TMEM232: variants seen among roughly 807,000 people sequenced by gnomAD.
TMEM232 encodes transmembrane protein 232.
Under a neutral mutation model 78.8 loss-of-function variants are expected in TMEM232, and 80 were observed. That is an observed-to-expected ratio of 1.01 (90% CI 0.85 to 1.22). TMEM232 has a LOEUF of 1.22. TMEM232 is among the 50% of genes most tolerant of loss of function. TMEM232 has a pLI of 0.00. For missense variants in TMEM232, 881 were observed against 742.2 expected (o/e 1.19, Z -2.17); for synonymous variants, 297 against 254.3 (o/e 1.17, Z -1.60).
chr5:110,714,394 CT>C (rs1380079768), intron 1 of TMEM232, among the ~76,000 whole-genome samples: 2 of 152,086 alleles, frequency 1.3e-5, no homozygotes, highest in Non-Finnish European at 1.5e-5. Flanking sequence ...AGAATGTCAC[CT>C]TTGTTTCACT....
intron 1 of TMEM232, chr5:110,720,778 T>C (rs959396687): frequency 1.3e-5 from 2 of 152,182 alleles, no homozygotes; most frequent in Non-Finnish European, 2.9e-5. Flanking sequence ...CTGAGTGCTT[T>C]GTGCTATATT....
chr5:110,672,230 A>C (rs1390372429), intron 1 of TMEM232, among the ~76,000 whole-genome samples: 1 of 152,168 alleles, frequency 6.6e-6, no homozygotes, highest in Non-Finnish European at 1.5e-5. Flanking sequence ...CACTGAACTT[A>C]TTGTCCAAAG....
At chr5:110,543,870 G>A (rs1384680055) in intron 11 of TMEM232, among the ~76,000 whole-genome samples, 1 of 152,060 alleles carries the variant, frequency 6.6e-6, no homozygotes, top group Non-Finnish European at 1.5e-5. Flanking sequence ...TTCTAGAGTC[G>A]TCTTCTATAG....
At chr5:110,636,364 A>G (rs1785833312) in intron 5 of TMEM232, among the ~76,000 whole-genome samples, 1 of 151,992 alleles carries the variant, frequency 6.6e-6, no homozygotes, top group Admixed American at 6.6e-5. Flanking sequence ...GACTATACTT[A>G]CCAACAATGC....
intron 11 of TMEM232, among the ~76,000 whole-genome samples, chr5:110,556,099 C>A (rs1775044795): frequency 6.6e-6 from 1 of 152,084 alleles, no homozygotes; most frequent in East Asian, 1.9e-4. Context: ...TACTTAAGTG[C>A]ATTTTTGTAG....
chr5:110,642,902 C>T (rs1333733725), intron 2 of TMEM232, among the ~76,000 whole-genome samples: 3 of 151,938 alleles, frequency 2.0e-5, no homozygotes, highest in Admixed American at 2.0e-4. Context: ...TGAGAAGAGG[C>T]GTGGCATGAT....
chr5:110,533,766 C>T (rs1771905460), intron 11 of TMEM232, among the ~76,000 whole-genome samples: 1 of 152,056 alleles, frequency 6.6e-6, no homozygotes, highest in Non-Finnish European at 1.5e-5. Context: ...CACCCCATTT[C>T]CCCACATTTC....
In TMEM232 at chr5:110,584,937, G is replaced by C. The variant is rs141335011; in HGVS notation, c.1277-16312C>G. Among the ~76,000 whole-genome samples, 1,469 of 152,048 alleles carry C rather than the reference G, an allele frequency of 9.7e-3. 34 individuals are homozygous for C. Among genetic ancestry groups the C allele is most frequent in the African/African-American group, 0.033 (1,371 of 41,496 alleles). ...AATTAATTTTTAAAGTGACAAGTTG[G>C]AATGTACTTTAGCACCATAAATACT... is the stretch of plus-strand genomic sequence containing the variant. On this transcript the variant is annotated intron_variant, in intron 10 of 13. Transcript: ENST00000455884.
chr5:110,474,289 T>C (rs1460274872), intron 12 of TMEM232, among the ~76,000 whole-genome samples: 5 of 151,932 alleles, frequency 3.3e-5, no homozygotes, highest in Admixed American at 3.3e-4. Context: ...AAAAATACAA[T>C]GAAACTTTTA....
At chr5:110,424,484 G>C (rs1173972803) in intron 13 of TMEM232, among the ~76,000 whole-genome samples, 3 of 152,088 alleles carry the variant, frequency 2.0e-5, no homozygotes, top group Admixed American at 6.5e-5. Flanking sequence ...ACTGAAAATT[G>C]AGCCAAAAGA....
intron 8 of TMEM232, 97 bp from the exon 9 acceptor site, chr5:110,606,384 G>C: frequency 8.6e-7 from 1 of 1,162,236 alleles, no homozygotes; most frequent in Admixed American, 2.8e-5. Flanking sequence ...CAGAGGAAAT[G>C]CATGTCTGCA....
At chr5:110,429,759 T>C (rs1198238021) in intron 12 of TMEM232, 1 of 151,794 alleles carries the variant, frequency 6.6e-6, no homozygotes, top group Non-Finnish European at 1.5e-5. Context: ...TACCATAGAC[T>C]CACTGGTTGG....
intron 10 of TMEM232, among the ~76,000 whole-genome samples, chr5:110,583,966 CAAA>C (rs60079206): frequency 5.0e-5 from 5 of 99,058 alleles, no homozygotes; most frequent in Admixed American, 1.0e-4. Flanking sequence ...TATCTATTAT[CAAA>C]AAAAAAAAAA....
rs187302476 is a variant in TMEM232 at position 110,594,837 on chromosome 5, T to C, written c.1276+10272A>G. 7.9e-5 allele frequency among the ~76,000 whole-genome samples: 12 copies of C among 152,304 alleles called. No homozygotes were observed. The East Asian group carries it at 1.2e-3, about 15-fold the overall frequency. On this transcript the variant is annotated intron_variant, in intron 10 of 13. Transcript: ENST00000455884. ...CTCCCTGGGACAGAAAGGGTAGCTA[T>C]TGGCGCAGCTTCAGCAGACTTAAAC...
chr5:110,489,689 T>C (rs998248648), intron 12 of TMEM232, among the ~76,000 whole-genome samples: 1 of 152,094 alleles, frequency 6.6e-6, no homozygotes, highest in African/African-American at 2.4e-5. Context: ...GGTATTTAGA[T>C]TAGAAATGAG....
At chr5:110,390,203 A>G (rs1755129443) in intron 4 of TMEM232, among the ~76,000 whole-genome samples, 1 of 152,184 alleles carries the variant, frequency 6.6e-6, no homozygotes, top group African/African-American at 2.4e-5. Flanking sequence ...TTTCTCTATC[A>G]AACATCAGAA....
At chr5:110,390,143 T>C (rs1755128313) in intron 4 of TMEM232, among the ~76,000 whole-genome samples, 1 of 152,206 alleles carries the variant, frequency 6.6e-6, no homozygotes, top group South Asian at 2.1e-4. Context: ...AACCACCCTC[T>C]TTCCCTCACT....
chr5:110,460,128 G>C (rs1761339199), intron 12 of TMEM232, among the ~76,000 whole-genome samples: 1 of 152,102 alleles, frequency 6.6e-6, no homozygotes, highest in South Asian at 2.1e-4. Context: ...TAGTATGACT[G>C]TGAATTATAA....
intron 7 of TMEM232, among the ~76,000 whole-genome samples, chr5:110,620,288 T>G (rs1395519391): frequency 2.0e-5 from 3 of 152,124 alleles, no homozygotes; most frequent in African/African-American, 7.2e-5. Flanking sequence ...GGACATAAAC[T>G]CACAAGATAG....
Sources: allele counts gnomAD v4.1 joint callset (sites outside exome capture counted in the v4.1 genomes callset), GRCh38; gene constraint gnomAD v4.1.1; transcripts MANE v1.5; gene names NCBI Gene and HGNC (gene_info 2026-07-23, HGNC 2026-07-21).